SEPTIN10: variants seen among roughly 807,000 people sequenced by gnomAD.
The protein encoded by SEPTIN10 is septin 10.
SEPTIN10 carries 66 observed loss-of-function variants against 54.8 expected under a neutral mutation model. The ratio of observed to expected loss-of-function variants is 1.21; its 90% confidence interval spans 0.99 to 1.48. The LOEUF (loss-of-function observed/expected upper bound fraction) is 1.48. SEPTIN10 is among the 40% of genes most tolerant of loss of function. The pLI is 0.00. For missense variants in SEPTIN10, 620 were observed against 545.6 expected (o/e 1.14, Z -1.36); for synonymous variants, 161 against 181.0 (o/e 0.89, Z 0.89).
chr2:109,597,677 G>GA, intron 1 of SEPTIN10, among the ~76,000 whole-genome samples: 1 of 152,124 alleles, frequency 6.6e-6, no homozygotes, highest in Non-Finnish European at 1.5e-5. Flanking sequence ...TTTCCAAAAG[G>GA]AAAAATCCCA....
chr2:109,569,175 T>A (rs1374310370), intron 5 of SEPTIN10, among the ~76,000 whole-genome samples: 1 of 152,116 alleles, frequency 6.6e-6, no homozygotes, highest in Non-Finnish European at 1.5e-5. Context: ...ACGCCTGTAA[T>A]CCCAGCACTT....
chr2:109,595,938 T>C lies in SEPTIN10; in HGVS notation c.31-2819A>G, dbSNP rs541412167. 4.6e-5 allele frequency among the ~76,000 whole-genome samples: 7 copies of C among 152,344 alleles called. 1 individual carries two copies. The highest frequency in any genetic ancestry group is 1.4e-4 in the African/African-American group (6 of 41,594). ...GGACCTAACATACTACCTGCTTGCC[T>C]CTCAGCATCTGTGTCTACTATAAGT... On this transcript the variant is annotated intron_variant, in intron 1 of 10. Transcript: ENST00000397712.
At chr2:109,598,622 C>A (rs1695849065) in intron 1 of SEPTIN10, among the ~76,000 whole-genome samples, 1 of 151,832 alleles carries the variant, frequency 6.6e-6, no homozygotes, top group African/African-American at 2.4e-5. Flanking sequence ...GCAGGTAGAT[C>A]ACTTGAGGTC....
At chr2:109,593,296 G>C (rs1214366300) in intron 1 of SEPTIN10, among the ~76,000 whole-genome samples, 177 bp from the exon 2 acceptor site, 2 of 151,986 alleles carry the variant, frequency 1.3e-5, no homozygotes, top group African/African-American at 4.8e-5. Flanking sequence ...TGCTGGATAG[G>C]TATCTACATA....
intron 5 of SEPTIN10, among the ~76,000 whole-genome samples, chr2:109,573,954 T>C (rs921262913): frequency 2.6e-5 from 4 of 152,190 alleles, no homozygotes; most frequent in Non-Finnish European, 5.9e-5. Flanking sequence ...TCTCACTTAA[T>C]AGTGGCATAA....
At position 109,542,834 on chromosome 2, in the gene SEPTIN10, ACT is replaced by A. The variant is rs1370343270; in HGVS notation, c.*1473_*1474del. 1 of 152,318 alleles carries A rather than the reference ACT, an allele frequency of 6.6e-6. No individual in the cohort carries two copies. Among genetic ancestry groups the A allele is most frequent in the African/African-American group, 2.4e-5 (1 of 41,452 alleles). The allele number at this position is 152,318 out of a possible 1,614,324, so 9.4% of individuals were successfully genotyped here. On this transcript the variant is annotated 3_prime_UTR_variant, in exon 11 of 11. Transcript: ENST00000397712. ...CAAGGTTTTATTTACAACTTAGATG[ACT>A]CTATGATTGCTCAGAATCTGACACA... is the stretch of plus-strand genomic sequence containing the variant.
chr2:109,564,436 C>T lies in SEPTIN10; in HGVS notation c.958G>A (p.Glu320Lys). 1 of 1,599,432 alleles carries T rather than the reference C, an allele frequency of 6.3e-7. No homozygotes were observed. The change falls in exon 8 of 11, where the codon GAG (glutamate) becomes AAG (lysine). Residue 320 changes from glutamate to lysine, a missense_variant. By Grantham distance (56) the Glu-to-Lys change is moderately conservative. Coordinates refer to ENST00000397712, the MANE Select transcript of SEPTIN10 (RefSeq NM_144710.5). ...LREQTHTRHY[E>K]LYRRCKLEEM... ...TCCAGTTTGCAGCGCCTGTAAAGCT[C>T]ATAGTGCCTGGTATGGGTCTGCTCT...
intron 5 of SEPTIN10, among the ~76,000 whole-genome samples, chr2:109,569,346 G>A (rs1037324228): frequency 2.0e-5 from 3 of 150,874 alleles, no homozygotes; most frequent in Non-Finnish European, 2.9e-5. Flanking sequence ...CAGAAGAATC[G>A]CTTGAACCCA....
Position 109,596,383 on chromosome 2 carries a change from C to T in SEPTIN10, c.31-3264G>A, listed in dbSNP as rs562921003. The stretch of plus-strand genomic sequence containing the variant: ...CTGTAATTCCAGCAGTTTGGGAGGC[C>T]GAGGTGGGTGGATCATGAGGTCAGG... On this transcript the variant is annotated intron_variant, in intron 1 of 10. Transcript: ENST00000397712. Among the ~76,000 whole-genome samples the T allele has an allele frequency of 1.1e-4, 16 of 151,986 alleles. No homozygotes were observed. The East Asian group carries it at 2.7e-3, about 26-fold the overall frequency.
At chr2:109,612,770 T>C (rs964514545) in intron 1 of SEPTIN10, among the ~76,000 whole-genome samples, 2 of 152,054 alleles carry the variant, frequency 1.3e-5, no homozygotes, top group East Asian at 1.9e-4. Context: ...GACAGAAAAT[T>C]TGAGATTTTT....
Position 109,567,897 on chromosome 2 carries a change from C to T in SEPTIN10, c.680G>A (p.Ser227Asn). The change falls in exon 6 of 11, where the codon AGT becomes AAT. Residue 227 changes from serine to asparagine, a missense_variant. By Grantham distance (46) the Ser-to-Asn change is conservative. Transcript: ENST00000397712. ...CTGGACGCCATTGCTGACCAATTCA[C>T]TCATGAGCTTGATCTTAAACTTCTG... ...ELQKFKIKLM[S>N]ELVSNGVQIY... The T allele has an allele frequency of 6.2e-7, 1 of 1,614,034 alleles. No individual in the cohort carries two copies. The highest frequency in any genetic ancestry group is 1.1e-5 in the South Asian group (1 of 91,056).
chr2:109,559,046 C>T (rs1368097572), intron 8 of SEPTIN10, among the ~76,000 whole-genome samples: 1 of 152,016 alleles, frequency 6.6e-6, no homozygotes, highest in Non-Finnish European at 1.5e-5. Flanking sequence ...CCACCACACC[C>T]GGCTAATTTT....
At position 109,574,265 on chromosome 2, in the gene SEPTIN10, T is replaced by C. The variant is rs144722410; in HGVS notation, c.600+316A>G. 2.5e-3 allele frequency among the ~76,000 whole-genome samples: 367 copies of C among 149,086 alleles called. 1 individual carries two copies. Among genetic ancestry groups the C allele is most frequent in the Non-Finnish European group, 4.4e-3 (295 of 67,284 alleles). On this transcript the variant is annotated intron_variant, in intron 5 of 10. Coordinates refer to ENST00000397712, the MANE Select transcript of SEPTIN10 (RefSeq NM_144710.5). ...ACCAACTGGGCAACATACCAAGACATCCAACTCCACAAAAAAAAAAAAATT... is the reference window on the plus strand; with the variant it reads ...ACCAACTGGGCAACATACCAAGACACCCAACTCCACAAAAAAAAAAAAATT...
chr2:109,569,291 C>T (rs1040734982), intron 5 of SEPTIN10, among the ~76,000 whole-genome samples: 3 of 151,934 alleles, frequency 2.0e-5, no homozygotes, highest in Non-Finnish European at 2.9e-5. Flanking sequence ...ATTAGGTGGG[C>T]ATGGTGGCAC....
intron 2 of SEPTIN10, among the ~76,000 whole-genome samples, chr2:109,586,952 C>T (rs1037532721): frequency 2.0e-5 from 3 of 152,060 alleles, no homozygotes; most frequent in Admixed American, 6.6e-5. Flanking sequence ...AAAACAGAAT[C>T]TAGCATCTCT....
At position 109,566,005 on chromosome 2, in the gene SEPTIN10, C is replaced by A. The variant is rs990824183; in HGVS notation, c.763-146G>T. On this transcript the variant is annotated intron_variant, in intron 6 of 10. Coordinates refer to ENST00000397712, the MANE Select transcript of SEPTIN10 (RefSeq NM_144710.5). ...GCTATGCCTCAGATTTTAAAACCTG[C>A]CAGTGAATATGTGCTAACTGTTCTA... 7.0e-6 allele frequency: 5 copies of A among 709,668 alleles called. No individual in the cohort carries two copies. In the Admixed American group the frequency reaches 9.2e-5, roughly 13 times the overall value. The allele number at this position is 709,668 out of a possible 1,614,324, so 44.0% of individuals were successfully genotyped here.
intron 2 of SEPTIN10, among the ~76,000 whole-genome samples, chr2:109,587,498 A>C (rs1292658748): frequency 6.6e-6 from 1 of 152,168 alleles, no homozygotes. Flanking sequence ...AGTGACTGAA[A>C]ACTTTCTAAT....
intron 5 of SEPTIN10, among the ~76,000 whole-genome samples, chr2:109,573,554 T>C (rs865785088): frequency 6.6e-6 from 1 of 152,222 alleles, no homozygotes; most frequent in Non-Finnish European, 1.5e-5. Context: ...AATCGACCGA[T>C]GTGCCAAAGC....
At chr2:109,580,035 C>A (rs575152069) in intron 4 of SEPTIN10, among the ~76,000 whole-genome samples, 1 of 151,808 alleles carries the variant, frequency 6.6e-6, no homozygotes, top group African/African-American at 2.4e-5. Context: ...GCAGGAGAAT[C>A]GTCTGAACCT....
Sources: allele counts gnomAD v4.1 joint callset (sites outside exome capture counted in the v4.1 genomes callset), GRCh38; gene constraint gnomAD v4.1.1; transcripts MANE v1.5; gene names NCBI Gene and HGNC (gene_info 2026-07-23, HGNC 2026-07-21).